The following GSAP variants were observed in gnomAD, a reference collection of about 807,000 sequenced individuals.
GSAP encodes gamma-secretase activating protein.
A neutral mutation model predicts 131.7 loss-of-function variants in GSAP; 118 were observed. That is an observed-to-expected ratio of 0.90 (90% CI 0.77 to 1.04). The LOEUF (loss-of-function observed/expected upper bound fraction) is 1.04. Among genes scored for constraint, GSAP ranks in the 50% least tolerant of loss-of-function variants. GSAP has a pLI of 0.00. For missense variants in GSAP, 1,019 were observed against 1,013.2 expected (o/e 1.01, Z -0.08); for synonymous variants, 381 against 363.4 (o/e 1.05, Z -0.55).
At chr7:77,326,308 C>T (rs889154662) in intron 22 of GSAP, 35 bp from the exon 23 acceptor site, 2 of 1,473,632 alleles carry the variant, frequency 1.4e-6, no homozygotes, top group African/African-American at 2.8e-5. Context: ...AGGCTCTGAG[C>T]AGTTTTCAGG....
At chr7:77,392,224 G>GAAAA (rs113720613) in intron 5 of GSAP, among the ~76,000 whole-genome samples, 1 of 127,706 alleles carries the variant, frequency 7.8e-6, no homozygotes, top group East Asian at 2.2e-4. Context: ...TCCATCTCAG[G>GAAAA]AAAAAAAAAA....
At chr7:77,343,172 G>A (rs1488121266) in intron 19 of GSAP, among the ~76,000 whole-genome samples, 2 of 146,800 alleles carry the variant, frequency 1.4e-5, no homozygotes, top group African/African-American at 2.6e-5. Context: ...ATGTCTGTGT[G>A]TGGCAGCTGC....
At chr7:77,384,208 C>T (rs1284715589) in intron 6 of GSAP, among the ~76,000 whole-genome samples, 1 of 152,214 alleles carries the variant, frequency 6.6e-6, no homozygotes, top group Non-Finnish European at 1.5e-5. Context: ...ATGGTATGGC[C>T]TCCCGGTCTA....
intron 14 of GSAP, among the ~76,000 whole-genome samples, chr7:77,357,097 A>G (rs1793862820): frequency 6.6e-6 from 1 of 152,206 alleles, no homozygotes; most frequent in Admixed American, 6.5e-5. Flanking sequence ...TTAGGATGGC[A>G]CTATGTCCGT....
chr7:77,338,186 T>C (rs1490009980), intron 19 of GSAP, among the ~76,000 whole-genome samples: 2 of 151,980 alleles, frequency 1.3e-5, no homozygotes, highest in Non-Finnish European at 2.9e-5. Context: ...CAATCAAAAT[T>C]TTTTAAAAAT....
rs2151031544 is a variant in GSAP at position 77,380,770 on chromosome 7, T to G, written c.576+535A>C. 1.3e-5 allele frequency among the ~76,000 whole-genome samples: 2 copies of G among 152,216 alleles called. 1 individual carries two copies. The highest frequency in any genetic ancestry group is 3.9e-4 in the East Asian group (2 of 5,190). Reference sequence around the variant, plus strand: ...AATTATACTCTATGAAACCCATATATGGCATGATACATAGTATGATTGTAT... The same window carrying G: ...AATTATACTCTATGAAACCCATATAGGGCATGATACATAGTATGATTGTAT... On this transcript the variant is annotated intron_variant, in intron 8 of 30. Coordinates refer to ENST00000257626, the MANE Select transcript of GSAP (RefSeq NM_017439.4).
chr7:77,345,462 T>C (rs1487292923), intron 19 of GSAP, among the ~76,000 whole-genome samples: 1 of 152,240 alleles, frequency 6.6e-6, no homozygotes, highest in Non-Finnish European at 1.5e-5. Flanking sequence ...ATCAGGCCTC[T>C]GAGCCCAAGC....
chr7:77,384,539 A>G (rs1798266099), intron 6 of GSAP, among the ~76,000 whole-genome samples: 1 of 151,666 alleles, frequency 6.6e-6, no homozygotes, highest in African/African-American at 2.4e-5. Flanking sequence ...ATGGAGCTAG[A>G]CTTAGAATGA....
Position 77,355,588 on chromosome 7 carries a change from G to T in GSAP, c.1087C>A (p.Pro363Thr). ...AAGAGATTGTGGCAGATCAGGTCTGGATGTTGAACATTAAGTAGGTGGAAG... is the reference window on the plus strand; with the variant it reads ...AAGAGATTGTGGCAGATCAGGTCTGTATGTTGAACATTAAGTAGGTGGAAG... ...HFFHLLNVQH[P>T]DLICHNLFLT... The change falls in exon 15 of 31, where the codon CCA becomes ACA. Residue 363 changes from proline (P) to threonine (T), a missense_variant. Coordinates refer to ENST00000257626, the MANE Select transcript of GSAP (RefSeq NM_017439.4). 2 of 1,611,080 alleles carry T rather than the reference G, an allele frequency of 1.2e-6. No homozygotes were observed. Among genetic ancestry groups the T allele is most frequent in the South Asian group, 1.1e-5 (1 of 91,002 alleles).
chr7:77,408,467 G>A (rs185386054), intron 1 of GSAP, among the ~76,000 whole-genome samples: 84 of 152,220 alleles, frequency 5.5e-4, no homozygotes, highest in Non-Finnish European at 8.8e-4. Flanking sequence ...GGAAGGCTGA[G>A]GTAGATGGAT....
rs2150858691 is a variant in GSAP, at chr7:77,353,554, A to G, written c.1408+18T>C. The stretch of plus-strand genomic sequence containing the variant: ...AGGTCAAGTATTCAACTTAAGCTGC[A>G]ACATCAGCAACACTTACCAATTATA... On this transcript the variant is annotated intron_variant, in intron 17 of 30. Transcript: ENST00000257626. 2 of 1,566,492 alleles carry G rather than the reference A, an allele frequency of 1.3e-6. No homozygotes were observed. The highest frequency in any genetic ancestry group is 4.5e-5 in the East Asian group (2 of 44,536).
intron 13 of GSAP, among the ~76,000 whole-genome samples, chr7:77,361,335 A>G (rs1794495924): frequency 6.6e-6 from 1 of 152,210 alleles, no homozygotes; most frequent in African/African-American, 2.4e-5. Flanking sequence ...TAGTCGAGCT[A>G]ATAACCTCAG....
chr7:77,336,868 T>C (rs952804932), intron 19 of GSAP, among the ~76,000 whole-genome samples: 12 of 152,198 alleles, frequency 7.9e-5, no homozygotes, highest in African/African-American at 2.2e-4. Context: ...TTAAGGTTTA[T>C]GGTATCCACT....
At chr7:77,385,792 C>A (rs1791290597) in intron 6 of GSAP, among the ~76,000 whole-genome samples, 1 of 152,164 alleles carries the variant, frequency 6.6e-6, no homozygotes, top group Admixed American at 6.5e-5. Context: ...TCTCCCCTAA[C>A]CCACTGGAAT....
At chr7:77,412,185 G>A (rs933232856) in intron 1 of GSAP, among the ~76,000 whole-genome samples, 1 of 152,148 alleles carries the variant, frequency 6.6e-6, no homozygotes, top group Non-Finnish European at 1.5e-5. Context: ...AAAGAAAGTT[G>A]TCAAGTTGAG....
chr7:77,388,515 C>T (rs562218502), intron 5 of GSAP, among the ~76,000 whole-genome samples: 2 of 152,098 alleles, frequency 1.3e-5, no homozygotes, highest in African/African-American at 4.8e-5. Context: ...CAGGCTTCCC[C>T]GCATGGAGTT....
At chr7:77,389,816 G>A (rs994748124) in intron 5 of GSAP, among the ~76,000 whole-genome samples, 3 of 152,194 alleles carry the variant, frequency 2.0e-5, no homozygotes, top group South Asian at 2.1e-4. Context: ...GGATGGCTGG[G>A]TCAAATGGTA....
At chr7:77,412,070 T>G (rs1803386628) in intron 1 of GSAP, among the ~76,000 whole-genome samples, 1 of 152,118 alleles carries the variant, frequency 6.6e-6, no homozygotes, top group Non-Finnish European at 1.5e-5. Flanking sequence ...TCCCAGCTAC[T>G]TGGGAGGCTG....
chr7:77,353,369 C>A (rs1052918593), intron 17 of GSAP, among the ~76,000 whole-genome samples: 27 of 151,562 alleles, frequency 1.8e-4, no homozygotes, highest in African/African-American at 6.5e-4. Flanking sequence ...TCTCATCAAT[C>A]TCTGTACAGC....
Sources: gnomAD v4.1 joint callset for allele counts (sites outside exome capture counted in the v4.1 genomes callset) on GRCh38, gnomAD v4.1.1 for gene constraint, MANE v1.5 for transcripts, NCBI Gene and HGNC (gene_info 2026-07-23, HGNC 2026-07-21) for gene names.